ITFG2: variants seen among roughly 807,000 people sequenced by gnomAD.
ITFG2 encodes the protein KICSTOR complex protein ITFG2.
Under a neutral mutation model 54.4 loss-of-function variants are expected in ITFG2, and 36 were observed. The observed-to-expected ratio is 0.66, with a 90% CI of 0.51 to 0.87. The LOEUF (loss-of-function observed/expected upper bound fraction) is 0.87. Among genes scored for constraint, ITFG2 ranks in the 40% least tolerant of loss-of-function variants. ITFG2 has a pLI of 0.00. For missense variants in ITFG2, 524 were observed against 576.7 expected (o/e 0.91, Z 0.94); for synonymous variants, 211 against 225.4 (o/e 0.94, Z 0.57).
At chr12:2,855,083 C>T (rs1307963655) in intron 2 of ITFG2, 3 of 1,536,018 alleles carry the variant, frequency 2.0e-6, no homozygotes, top group Admixed American at 2.0e-5. Context: ...CTGTTTTGCC[C>T]CATCCAGGAG....
chr12:2,828,634 G>A (rs1056293316), downstream of ITFG2, among the ~76,000 whole-genome samples: 9 of 152,196 alleles, frequency 5.9e-5, no homozygotes, highest in Non-Finnish European at 1.0e-4. Flanking sequence ...GAGGTCGGGA[G>A]TTCAAGACCA....
chr12:2,816,285 C>A (rs1467492000), intron 1 of ITFG2, among the ~76,000 whole-genome samples: 2 of 151,504 alleles, frequency 1.3e-5, no homozygotes, highest in African/African-American at 4.9e-5. Context: ...CCCGCCTCGG[C>A]CTCCCAAAGT....
chr12:2,819,154 C>A (rs917151013), intron 4 of ITFG2, among the ~76,000 whole-genome samples: 11 of 151,980 alleles, frequency 7.2e-5, no homozygotes, highest in Non-Finnish European at 1.2e-4. Flanking sequence ...CATAGTGAAA[C>A]CCCGTCTCCA....
rs28919869 is a variant in ITFG2, at chr12:2,858,924, G to A, written n.620+593G>A. 3.8e-5 allele frequency: 62 copies of A among 1,613,814 alleles called. No homozygotes were observed. The highest frequency in any genetic ancestry group is 3.3e-4 in the East Asian group (15 of 44,864). On this transcript the variant is annotated intron_variant and non_coding_transcript_variant, in intron 3 of 3. Transcript: ENST00000537710. ...GAGGAGCCTTTGCGGTGATTCAAGG[G>A]GGGGAGCACTTTGCAAGGGAGTGGT...
At chr12:2,816,920 A>G (rs1272249473) in intron 1 of ITFG2, among the ~76,000 whole-genome samples, 1 of 152,122 alleles carries the variant, frequency 6.6e-6, no homozygotes, top group Admixed American at 6.5e-5. Flanking sequence ...TGCTGGGATT[A>G]TAGGCATGAG....
At chr12:2,855,847 G>C (rs527650820) in intron 2 of ITFG2, among the ~76,000 whole-genome samples, 3 of 152,200 alleles carry the variant, frequency 2.0e-5, no homozygotes, top group South Asian at 2.1e-4. Flanking sequence ...CATGCCAAGG[G>C]GGGCAGCCCA....
chr12:2,822,843 A>G lies in ITFG2; in HGVS notation c.998A>G (p.Tyr333Cys). 1 of 1,614,136 alleles carries G rather than the reference A, an allele frequency of 6.2e-7. No individual in the cohort carries two copies. The highest frequency in any genetic ancestry group is 1.1e-5 in the South Asian group (1 of 91,080). The change falls in exon 10 of 12, where the codon TAT (tyrosine) becomes TGT (cysteine). Residue 333 changes from tyrosine to cysteine, a missense_variant. Tyr to Cys is a radical substitution (Grantham distance 194, BLOSUM62 -2). Transcript: ENST00000228799. ...VVACAWDGQTYIIDHNRTVVR... is the reference protein window; with the variant it reads ...VVACAWDGQTCIIDHNRTVVR... Reference sequence around the variant, plus strand: ...GCATGCGCCTGGGATGGACAGACATATATCATTGATCACAACCGCACCGTC... The same window carrying G: ...GCATGCGCCTGGGATGGACAGACATGTATCATTGATCACAACCGCACCGTC...
At chr12:2,825,903 C>A (rs1036369489), downstream of ITFG2, 3 of 152,194 alleles carry the variant, frequency 2.0e-5, no homozygotes, top group Admixed American at 6.5e-5. Context: ...GCTGGGATTA[C>A]AGGTGTTCAC....
At position 2,820,084 on chromosome 12, in the gene ITFG2, A is replaced by G; in HGVS notation, c.407-2A>G. On this transcript the variant is annotated splice_acceptor_variant, in intron 4 of 11. Transcript: ENST00000228799. LOFTEE classifies it high-confidence loss of function. ...AGCCCATCTTGTCTTTCATGCCCAC[A>G]GATGGAGATGGGTGTCGTGAGCTGG... The G allele has an allele frequency of 1.2e-6, 2 of 1,603,530 alleles. No individual in the cohort carries two copies. Among genetic ancestry groups the G allele is most frequent in the South Asian group, 1.1e-5 (1 of 89,350 alleles).
chr12:2,821,406 A>G (rs965389302), intron 7 of ITFG2, 47 bp downstream of exon 7: 5 of 1,566,188 alleles, frequency 3.2e-6, no homozygotes, highest in Non-Finnish European at 2.6e-6. Context: ...GGTAGCCGTC[A>G]GTTCTGGAGG....
intron 7 of ITFG2, 73 bp downstream of exon 7, chr12:2,821,432 C>G (rs776914342): frequency 2.2e-4 from 339 of 1,540,210 alleles, no homozygotes; most frequent in Admixed American, 1.0e-3. Flanking sequence ...AGATCCATAG[C>G]TTTCCCCTCA....
chr12:2,846,369 ATCT>A (rs1263142132), intron 2 of ITFG2, among the ~76,000 whole-genome samples: 1 of 151,988 alleles, frequency 6.6e-6, no homozygotes, highest in Non-Finnish European at 1.5e-5. Context: ...CACTCCCTAA[ATCT>A]TCTTGCCCAC....
chr12:2,858,388 C>G (rs1296295129), intron 3 of ITFG2: 19 of 480,078 alleles, frequency 4.0e-5, no homozygotes, highest in Non-Finnish European at 3.7e-6. Context: ...AATCTCTTTT[C>G]ACCATTGCCT....
intron 9 of ITFG2, among the ~76,000 whole-genome samples, chr12:2,822,026 G>A (rs1309554564): frequency 6.7e-6 from 1 of 150,086 alleles, no homozygotes; most frequent in Non-Finnish European, 1.5e-5. Flanking sequence ...CTGCTAGACT[G>A]AAGCCATTCT....
intron 1 of ITFG2, among the ~76,000 whole-genome samples, chr12:2,839,286 G>A (rs750398201): frequency 3.3e-5 from 5 of 151,890 alleles, no homozygotes; most frequent in Admixed American, 6.6e-5. Flanking sequence ...GTGAAACTCC[G>A]GCTCAAAAAA....
intron 2 of ITFG2, among the ~76,000 whole-genome samples, chr12:2,848,881 A>G (rs1316409963): frequency 1.2e-4 from 16 of 132,814 alleles, no homozygotes; most frequent in African/African-American, 2.8e-4. Flanking sequence ...ACACACGCAC[A>G]CACACACACA....
At chr12:2,835,350 G>T, upstream of ITFG2, 1 of 416,042 alleles carries the variant, frequency 2.4e-6, no homozygotes, top group Non-Finnish European at 3.3e-6. Context: ...ATCCCTCCCA[G>T]GCTTCCCAGG....
upstream of ITFG2, among the ~76,000 whole-genome samples, chr12:2,835,314 C>A (rs1368769457): frequency 6.6e-6 from 1 of 152,122 alleles, no homozygotes; most frequent in Non-Finnish European, 1.5e-5. Context: ...CACCTCCCAG[C>A]GTGTGTGGCC....
chr12:2,857,236 A>T (rs2098090286), intron 2 of ITFG2: 1 of 582,930 alleles, frequency 1.7e-6, no homozygotes, highest in Non-Finnish European at 3.1e-6. Context: ...TCAAGTTCTG[A>T]CTGCAAAAAA....
Sources: allele counts gnomAD v4.1 joint callset (sites outside exome capture counted in the v4.1 genomes callset), GRCh38; gene constraint gnomAD v4.1.1; transcripts MANE v1.5; gene names NCBI Gene and HGNC (gene_info 2026-07-23, HGNC 2026-07-21).